The following ZNF804B variants were observed in gnomAD, a reference collection of about 807,000 sequenced individuals.
ZNF804B encodes the protein zinc finger protein 804B.
A neutral mutation model predicts 101.4 loss-of-function variants in ZNF804B; 80 were observed. The ratio of observed to expected loss-of-function variants is 0.79; its 90% CI spans 0.66 to 0.95. The LOEUF (loss-of-function observed/expected upper bound fraction) is 0.95. Among genes scored for constraint, ZNF804B ranks in the 40% least tolerant of loss-of-function variants. The probability of loss-of-function intolerance (pLI) is 0.00; values close to 1 mark genes in which losing one functional copy is unlikely to be tolerated. For synonymous variants in ZNF804B, 622 were observed against 558.8 expected (o/e 1.11, Z -1.59); for missense variants, 1,673 against 1,561.9 (o/e 1.07, Z -1.20).
rs185459682 is a variant in ZNF804B, at chr7:89,280,612, T to C, written c.250-46732T>C. 5.1e-4 allele frequency among the ~76,000 whole-genome samples: 78 copies of C among 152,284 alleles called. 1 individual carries two copies. The highest frequency in any genetic ancestry group is 8.5e-4 in the Non-Finnish European group (58 of 68,004). On this transcript the variant is annotated intron_variant, in intron 2 of 3. Coordinates refer to ENST00000333190, the MANE Select transcript of ZNF804B (RefSeq NM_181646.5). ...CACAGAAATACAAACTACCATCAGA[T>C]AATTCTACAAACACCTCTATGCAAA...
intron 1 of ZNF804B, among the ~76,000 whole-genome samples, chr7:89,128,327 A>G (rs981286794): frequency 2.8e-4 from 43 of 152,062 alleles, no homozygotes; most frequent in Non-Finnish European, 2.4e-4. Context: ...TTTCTCCCCA[A>G]TGAAAGCTAG....
rs142696289 is a variant in ZNF804B, at chr7:89,176,587, C to CTTTTTTTTTTTTTTTTTTTTTTTT, written c.109-41565_109-41564insTTTTTTTTTTTTTTTTTTTTTTTT. The stretch of plus-strand genomic sequence containing the variant: ...TTTTCTTTTTTTTCTTTCTTTCTTT[C>CTTTTTTTTTTTTTTTTTTTTTTTT]TTTCTTTTTTTTTTTTTTTTTCATG... On this transcript the variant is annotated intron_variant, in intron 1 of 3. Coordinates refer to ENST00000333190, the MANE Select transcript of ZNF804B (RefSeq NM_181646.5). Among the ~76,000 whole-genome samples, 25 of 53,992 alleles carry CTTTTTTTTTTTTTTTTTTTTTTTT rather than the reference C, an allele frequency of 4.6e-4. 2 individuals are homozygous for CTTTTTTTTTTTTTTTTTTTTTTTT. Among genetic ancestry groups the CTTTTTTTTTTTTTTTTTTTTTTTT allele is most frequent in the African/African-American group, 1.2e-3 (16 of 12,964 alleles). 35.4% of individuals were successfully genotyped at this position (53,992 alleles called of 152,430 possible).
intron 1 of ZNF804B, among the ~76,000 whole-genome samples, chr7:88,781,871 T>C (rs1790232138): frequency 1.3e-5 from 2 of 152,134 alleles, no homozygotes; most frequent in Admixed American, 1.3e-4. Context: ...ACACTTTACC[T>C]GACTTAAGCA....
intron 2 of ZNF804B, among the ~76,000 whole-genome samples, chr7:89,292,811 A>T (rs888082864): frequency 6.6e-6 from 1 of 151,890 alleles, no homozygotes; most frequent in African/African-American, 2.4e-5. Context: ...AATTAATTGT[A>T]TTTTTATATA....
intron 1 of ZNF804B, among the ~76,000 whole-genome samples, chr7:88,938,665 A>G (rs1793009448): frequency 6.6e-6 from 1 of 152,064 alleles, no homozygotes; most frequent in Non-Finnish European, 1.5e-5. Flanking sequence ...TTTCTAAAAA[A>G]TGAATGATGG....
intron 1 of ZNF804B, among the ~76,000 whole-genome samples, chr7:88,975,260 A>C (rs1438839394): frequency 5.9e-5 from 9 of 151,304 alleles, no homozygotes; most frequent in Non-Finnish European, 1.3e-4. Flanking sequence ...ATGTCTCTTC[A>C]ATATACTGAT....
At chr7:88,913,790 T>G (rs941742188) in intron 1 of ZNF804B, among the ~76,000 whole-genome samples, 2 of 152,216 alleles carry the variant, frequency 1.3e-5, no homozygotes, top group Admixed American at 6.5e-5. Flanking sequence ...ATAATTTAGC[T>G]ACCTGTCAAA....
intron 1 of ZNF804B, among the ~76,000 whole-genome samples, chr7:88,962,708 C>CATATAT (rs71120046): frequency 0.031 from 2,563 of 83,676 alleles, 73 homozygotes; most frequent in Non-Finnish European, 0.038. Context: ...GTTAAACTCA[C>CATATAT]ATATATATAT....
intron 1 of ZNF804B, among the ~76,000 whole-genome samples, chr7:89,150,444 T>C (rs1160353452): frequency 6.6e-6 from 1 of 152,128 alleles, no homozygotes; most frequent in Non-Finnish European, 1.5e-5. Context: ...AAGCATTGTC[T>C]TGTTAGAAAA....
intron 2 of ZNF804B, among the ~76,000 whole-genome samples, chr7:89,238,946 T>G (rs1360988906): frequency 6.6e-6 from 1 of 152,202 alleles, no homozygotes; most frequent in African/African-American, 2.4e-5. Context: ...TCTTTTCCAT[T>G]GAGCTTCAAG....
intron 2 of ZNF804B, among the ~76,000 whole-genome samples, chr7:89,314,365 C>A (rs917255643): frequency 6.6e-6 from 1 of 151,982 alleles, no homozygotes; most frequent in Non-Finnish European, 1.5e-5. Context: ...TCGACTTCTC[C>A]TTTGCAAAAA....
At chr7:89,056,785 G>A (rs1390236110) in intron 1 of ZNF804B, among the ~76,000 whole-genome samples, 2 of 152,102 alleles carry the variant, frequency 1.3e-5, no homozygotes, top group Non-Finnish European at 2.9e-5. Flanking sequence ...ACTATAACAA[G>A]AATAGGTTCA....
intron 2 of ZNF804B, among the ~76,000 whole-genome samples, chr7:89,268,243 A>G (rs754933191): frequency 4.9e-4 from 75 of 152,262 alleles, no homozygotes; most frequent in Middle Eastern, 3.4e-3. Flanking sequence ...AAATCACAAT[A>G]TCTCACAAAT....
At chr7:89,280,162 G>T (rs1790066129) in intron 2 of ZNF804B, among the ~76,000 whole-genome samples, 1 of 152,008 alleles carries the variant, frequency 6.6e-6, no homozygotes, top group Non-Finnish European at 1.5e-5. Context: ...AAGACTACTG[G>T]GTACATAACG....
intron 2 of ZNF804B, among the ~76,000 whole-genome samples, chr7:89,245,275 A>G (rs982889199): frequency 6.6e-6 from 1 of 152,182 alleles, no homozygotes; most frequent in Non-Finnish European, 1.5e-5. Flanking sequence ...ATTGAAAAAT[A>G]TAAATTAAAA....
At chr7:89,025,047 C>G (rs555185564) in intron 1 of ZNF804B, among the ~76,000 whole-genome samples, 1 of 152,210 alleles carries the variant, frequency 6.6e-6, no homozygotes, top group East Asian at 1.9e-4. Flanking sequence ...TACCACTCCA[C>G]TCCTCTTCTA....
At chr7:88,925,892 A>T (rs533220279) in intron 1 of ZNF804B, among the ~76,000 whole-genome samples, 3 of 152,192 alleles carry the variant, frequency 2.0e-5, no homozygotes, top group African/African-American at 7.2e-5. Context: ...TGACAAAGTT[A>T]TGATGCTAGG....
intron 1 of ZNF804B, among the ~76,000 whole-genome samples, chr7:89,217,067 T>G (rs112406292): frequency 1.8e-4 from 28 of 152,324 alleles, no homozygotes; most frequent in African/African-American, 6.7e-4. Flanking sequence ...CAACATGTTG[T>G]TTAGTATTGT....
At chr7:89,308,354 T>A (rs1273213028) in intron 2 of ZNF804B, among the ~76,000 whole-genome samples, 1 of 152,096 alleles carries the variant, frequency 6.6e-6, no homozygotes, top group Non-Finnish European at 1.5e-5. Flanking sequence ...TGAGATCCTA[T>A]TCAGTGAGAA....
Sources: gnomAD v4.1 joint callset for allele counts (sites outside exome capture counted in the v4.1 genomes callset) on GRCh38, gnomAD v4.1.1 for gene constraint, MANE v1.5 for transcripts, NCBI Gene and HGNC (gene_info 2026-07-23, HGNC 2026-07-21) for gene names.